Variants in RBAK observed in about 807,000 individuals in gnomAD.
The protein encoded by RBAK is RB associated KRAB zinc finger.
A neutral mutation model predicts 65.8 loss-of-function variants in RBAK; 39 were observed. That is an observed-to-expected ratio of 0.59 (90% confidence interval 0.46 to 0.77). The LOEUF is 0.77. Among genes scored for constraint, RBAK ranks in the 30% least tolerant of loss-of-function variants. RBAK has a pLI of 0.00. For missense variants in RBAK, 884 were observed against 855.1 expected (o/e 1.03, Z -0.42); for synonymous variants, 343 against 289.7 (o/e 1.18, Z -1.87).
At chr7:5,047,554 T>C (rs1427873846) in intron 1 of RBAK, among the ~76,000 whole-genome samples, 1 of 151,638 alleles carries the variant, frequency 6.6e-6, no homozygotes, top group Non-Finnish European at 1.5e-5. Flanking sequence ...TATCTTAGAG[T>C]TACAAAGTTA....
At chr7:5,061,434 T>C (rs1381169007) in intron 4 of RBAK, among the ~76,000 whole-genome samples, 1 of 145,230 alleles carries the variant, frequency 6.9e-6, no homozygotes, top group Non-Finnish European at 1.5e-5. Context: ...CTTGGGTTTT[T>C]TGTTTTGTTT....
chr7:5,064,453 A>G lies in RBAK; in HGVS notation c.997A>G (p.Thr333Ala), dbSNP rs775295829. The change falls in exon 5 of 5, where the codon ACT (threonine) becomes GCT (alanine). Residue 333 changes from threonine (T) to alanine (A), a missense_variant. By Grantham distance (58) the Thr-to-Ala change is moderately conservative. Transcript: ENST00000396912. This position sits in a 1 kb window ranked among gnomAD's most constrained non-coding sequence, Gnocchi z 6.3. Reference sequence around the variant, plus strand: ...AACCTTTTGTCAGAAGTTACACCTCACTCAACACCTAAGAACTCATTCAGG... The same window carrying G: ...AACCTTTTGTCAGAAGTTACACCTCGCTCAACACCTAAGAACTCATTCAGG... Reference protein sequence around the residue: ...GKTFCQKLHLTQHLRTHSGEK... With the variant: ...GKTFCQKLHLAQHLRTHSGEK... The G allele has an allele frequency of 3.1e-6, 5 of 1,614,112 alleles. No individual in the cohort carries two copies. The highest frequency in any genetic ancestry group is 4.2e-6 in the Non-Finnish European group (5 of 1,179,990).
At position 5,065,523 on chromosome 7, in the gene RBAK, C is replaced by A; in HGVS notation, c.2067C>A (p.His689Gln). The A allele has an allele frequency of 6.2e-7, 1 of 1,603,938 alleles. No individual in the cohort carries two copies. The highest frequency in any genetic ancestry group is 8.5e-7 in the Non-Finnish European group (1 of 1,175,606). ...GTAACGAGTGTGGGAAAAAATTCCACCACAGATCAGCCTTCAATAGCCATC... is the reference window on the plus strand; with the variant it reads ...GTAACGAGTGTGGGAAAAAATTCCAACACAGATCAGCCTTCAATAGCCATC... ...YECNECGKKF[H>Q]HRSAFNSHQR... The change falls in exon 5 of 5, where the codon CAC becomes CAA. Residue 689 changes from histidine (H) to glutamine (Q), a missense_variant. Physicochemically the swap from His to Gln is conservative, Grantham distance 24. Coordinates refer to ENST00000396912, the MANE Select transcript of RBAK (RefSeq NM_021163.4). This position sits in a 1 kb window ranked among gnomAD's most constrained non-coding sequence, Gnocchi z 5.3.
At position 5,065,907 on chromosome 7, in the gene RBAK, T is replaced by G. The variant is rs1421723655; in HGVS notation, c.*306T>G. ...ATCAGGGAATCATACAAAGGCAAAATCTGTCAATATGGTGAATGTGGAAAA... is the reference window on the plus strand; with the variant it reads ...ATCAGGGAATCATACAAAGGCAAAAGCTGTCAATATGGTGAATGTGGAAAA... On this transcript the variant is annotated 3_prime_UTR_variant, in exon 5 of 5. Coordinates refer to ENST00000396912, the MANE Select transcript of RBAK (RefSeq NM_021163.4). This position sits in a 1 kb window ranked among gnomAD's most constrained non-coding sequence, Gnocchi z 5.3. The G allele has an allele frequency of 5.2e-6, 1 of 190,876 alleles. No homozygotes were observed. Among genetic ancestry groups the G allele is most frequent in the Non-Finnish European group, 1.1e-5 (1 of 94,348 alleles). 11.8% of individuals were successfully genotyped at this position (190,876 alleles called of 1,614,324 possible).
Position 5,065,703 on chromosome 7 carries a change from G to C in RBAK, c.*102G>C. 2 of 862,528 alleles carry C rather than the reference G, an allele frequency of 2.3e-6. No homozygotes were observed. The highest frequency in any genetic ancestry group is 3.3e-6 in the Non-Finnish European group (2 of 607,228). 53.4% of individuals were successfully genotyped at this position (862,528 alleles called of 1,614,324 possible). A position where few individuals can be genotyped will look rare whatever the true frequency, so the allele number is the denominator to read the frequency against. On this transcript the variant is annotated 3_prime_UTR_variant, in exon 5 of 5. Transcript: ENST00000396912. This position sits in a 1 kb window ranked among gnomAD's most constrained non-coding sequence, Gnocchi z 5.3. ...CTGAGAGTTCGTGTTCCTGAACGGT[G>C]AGAAGCATTTAGGCATTAGAGTCAT...
At position 5,045,913 on chromosome 7, in the gene RBAK, C is replaced by G. The variant is rs927705329; in HGVS notation, c.-528C>G. The G allele has an allele frequency of 5.7e-6, 2 of 351,374 alleles. No homozygotes were observed. The highest frequency in any genetic ancestry group is 1.1e-5 in the Non-Finnish European group (2 of 183,684). The allele number at this position is 351,374 out of a possible 1,614,324, so 21.8% of individuals were successfully genotyped here. ...GTCACCGCTTGCTCTAGTTCCCAGGCTTTGGCCTCCAGTGGACGAGAATCG... is the reference window on the plus strand; with the variant it reads ...GTCACCGCTTGCTCTAGTTCCCAGGGTTTGGCCTCCAGTGGACGAGAATCG... On this transcript the variant is annotated 5_prime_UTR_variant, in exon 1 of 5. Transcript: ENST00000396912.
At chr7:5,056,676 C>A (rs774835307) in intron 2 of RBAK, among the ~76,000 whole-genome samples, 1 of 152,046 alleles carries the variant, frequency 6.6e-6, no homozygotes, top group African/African-American at 2.4e-5. Flanking sequence ...TTTATTGCTC[C>A]AAGATTGAGA....
At position 5,069,294 on chromosome 7, in the gene RBAK, T is replaced by A. The variant is rs987721152; in HGVS notation, c.*3693T>A. 6 of 152,356 alleles carry A rather than the reference T, an allele frequency of 3.9e-5. No homozygotes were observed. The highest frequency in any genetic ancestry group is 3.4e-3 in the Middle Eastern group (1 of 294). 9.4% of individuals were successfully genotyped at this position (152,356 alleles called of 1,614,324 possible). A position where few individuals can be genotyped will look rare whatever the true frequency, so the allele number is the denominator to read the frequency against. ...CTGTGCAGGAAATACATATTTATAGTAATTTTGATGGCAACTACTAAGATT... is the reference window on the plus strand; with the variant it reads ...CTGTGCAGGAAATACATATTTATAGAAATTTTGATGGCAACTACTAAGATT... On this transcript the variant is annotated 3_prime_UTR_variant, in exon 5 of 5. Transcript: ENST00000396912.
intron 1 of RBAK, among the ~76,000 whole-genome samples, chr7:5,046,678 C>T (rs1377710642): frequency 1.3e-5 from 2 of 152,176 alleles, no homozygotes; most frequent in African/African-American, 2.4e-5. Context: ...TTTCCGTGCT[C>T]CAGATTTCGA....
At position 5,066,429 on chromosome 7, in the gene RBAK, G is replaced by A. The variant is rs956907465; in HGVS notation, c.*828G>A. On this transcript the variant is annotated 3_prime_UTR_variant, in exon 5 of 5. Coordinates refer to ENST00000396912, the MANE Select transcript of RBAK (RefSeq NM_021163.4). ...TGATAAACTATACATACATAATTTG[G>A]AATTGTTTAAGTCTATTTCAGTGAA... 2.0e-5 allele frequency: 3 copies of A among 149,042 alleles called. No homozygotes were observed. Among genetic ancestry groups the A allele is most frequent in the Admixed American group, 1.3e-4 (2 of 15,024 alleles). 9.2% of individuals were successfully genotyped at this position (149,042 alleles called of 1,614,324 possible). A position where few individuals can be genotyped will look rare whatever the true frequency, so the allele number is the denominator to read the frequency against.
chr7:5,051,003 G>A (rs1425099335), intron 2 of RBAK, among the ~76,000 whole-genome samples: 1 of 152,132 alleles, frequency 6.6e-6, no homozygotes, highest in Non-Finnish European at 1.5e-5. Context: ...TTATGAGCTC[G>A]TGGGTTTAAA....
At position 5,064,421 on chromosome 7, in the gene RBAK, G is replaced by T; in HGVS notation, c.965G>T (p.Cys322Phe). 1 of 1,614,146 alleles carries T rather than the reference G, an allele frequency of 6.2e-7. No homozygotes were observed. The highest frequency in any genetic ancestry group is 8.5e-7 in the Non-Finnish European group (1 of 1,180,006). ...LEEKPYKCNECGKTFCQKLHL... is the reference protein window; with the variant it reads ...LEEKPYKCNEFGKTFCQKLHL... ...GAGAAGCCCTATAAATGTAATGAAT[G>T]TGGGAAAACCTTTTGTCAGAAGTTA... is the stretch of plus-strand genomic sequence containing the variant. Residue 322 changes from cysteine (C) to phenylalanine (F), a missense_variant, in exon 5 of 5, where the codon TGT becomes TTT. Physicochemically the swap from Cys to Phe is radical, Grantham distance 205. Coordinates refer to ENST00000396912, the MANE Select transcript of RBAK (RefSeq NM_021163.4). The surrounding 1 kb of genome is among the most constrained non-coding windows in gnomAD (Gnocchi z 6.3).
intron 4 of RBAK, among the ~76,000 whole-genome samples, chr7:5,061,469 T>A (rs1423814524): frequency 4.6e-5 from 6 of 131,672 alleles, no homozygotes; most frequent in East Asian, 2.3e-4. Context: ...TTTTTTTTTT[T>A]ATAGTAGAGA....
At chr7:5,056,012 T>C (rs990624533) in intron 2 of RBAK, among the ~76,000 whole-genome samples, 3 of 152,182 alleles carry the variant, frequency 2.0e-5, no homozygotes, top group Non-Finnish European at 2.9e-5. Context: ...AACTACAAGT[T>C]TGGGCAGGGC....
chr7:5,057,729 G>A lies in RBAK; in HGVS notation c.188G>A (p.Gly63Glu). ...AACGTCATCATTAAGTTGGAGCAGG[G>A]AGAGGAGCCGTGGATAATGGGAGGT... ...KPNVIIKLEQ[G>E]EEPWIMGGEF... is the part of the protein sequence containing the mutation. Residue 63 changes from glycine to glutamate, a missense_variant, in exon 4 of 5, where the codon GGA (glycine) becomes GAA (glutamate). Coordinates refer to ENST00000396912, the MANE Select transcript of RBAK (RefSeq NM_021163.4). The A allele has an allele frequency of 6.2e-7, 1 of 1,613,910 alleles. No homozygotes were observed. The highest frequency in any genetic ancestry group is 1.1e-5 in the South Asian group (1 of 91,068).
At chr7:5,053,433 G>C (rs529143216) in intron 2 of RBAK, among the ~76,000 whole-genome samples, 1 of 151,724 alleles carries the variant, frequency 6.6e-6, no homozygotes, top group Non-Finnish European at 1.5e-5. Flanking sequence ...CTAGTTTTGG[G>C]TAATTTGATT....
chr7:5,065,671 C>G lies in RBAK; in HGVS notation c.*70C>G, dbSNP rs751899621. On this transcript the variant is annotated 3_prime_UTR_variant, in exon 5 of 5. Transcript: ENST00000396912. This position sits in a 1 kb window ranked among gnomAD's most constrained non-coding sequence, Gnocchi z 5.3. ...TGGGGAATCCAATAGGAAGTCAAAG[C>G]GTTTATCTGAGAGTTCGTGTTCCTG... 5 of 1,179,618 alleles carry G rather than the reference C, an allele frequency of 4.2e-6. No individual in the cohort carries two copies. Among genetic ancestry groups the G allele is most frequent in the Non-Finnish European group, 5.7e-6 (5 of 870,242 alleles). The allele number at this position is 1,179,618 out of a possible 1,614,324, so 73.1% of individuals were successfully genotyped here. A position where few individuals can be genotyped will look rare whatever the true frequency, so the allele number is the denominator to read the frequency against.
rs73332929 is a variant in RBAK at position 5,048,165 on chromosome 7, T to G, written c.15+74T>G. The G allele has an allele frequency of 8.3e-3, 13,204 of 1,589,294 alleles. 944 individuals carry two copies. The African/African-American group carries it at 0.16, about 19-fold the overall frequency. ...CATTTTAAGAGGTTTGTAAGGATTC[T>G]TACCTTTTTTTTTTTCTTTTTTTTT... On this transcript the variant is annotated intron_variant, in intron 2 of 4. Coordinates refer to ENST00000396912, the MANE Select transcript of RBAK (RefSeq NM_021163.4). This position sits in a 1 kb window ranked among gnomAD's most constrained non-coding sequence, Gnocchi z 4.4.
Position 5,065,546 on chromosome 7 carries a change from A to G in RBAK, c.2090A>G (p.His697Arg). The G allele has an allele frequency of 6.4e-7, 1 of 1,573,504 alleles. No homozygotes were observed. Among genetic ancestry groups the G allele is most frequent in the Non-Finnish European group, 8.6e-7 (1 of 1,162,482 alleles). Reference sequence around the variant, plus strand: ...CACCACAGATCAGCCTTCAATAGCCATCAGAGAATTCATAGAAGAGGAAAT... The same window carrying G: ...CACCACAGATCAGCCTTCAATAGCCGTCAGAGAATTCATAGAAGAGGAAAT... Reference protein sequence around the residue: ...KFHHRSAFNSHQRIHRRGNMN... With the variant: ...KFHHRSAFNSRQRIHRRGNMN... The change falls in exon 5 of 5, where the codon CAT (histidine) becomes CGT (arginine). Residue 697 changes from histidine (H) to arginine (R), a missense_variant. By Grantham distance (29) the His-to-Arg change is conservative (BLOSUM62 0). Coordinates refer to ENST00000396912, the MANE Select transcript of RBAK (RefSeq NM_021163.4). This position sits in a 1 kb window ranked among gnomAD's most constrained non-coding sequence, Gnocchi z 5.3.
Sources: allele counts gnomAD v4.1 joint callset (sites outside exome capture counted in the v4.1 genomes callset), GRCh38; gene constraint gnomAD v4.1.1; non-coding constraint Gnocchi (gnomAD v3.1); transcripts MANE v1.5; gene names NCBI Gene and HGNC (gene_info 2026-07-23, HGNC 2026-07-21).